The following PCMTD1 variants were observed in gnomAD, a reference collection of about 807,000 sequenced individuals.
PCMTD1 encodes protein-L-isoaspartate (D-aspartate) O-methyltransferase domain containing 1.
Under a neutral mutation model 37.6 loss-of-function variants are expected in PCMTD1, and 12 were observed. The ratio of observed to expected loss-of-function variants is 0.32; its 90% confidence interval spans 0.20 to 0.52. The LOEUF is 0.52. Ranked by LOEUF, PCMTD1 falls within the 20% of genes least tolerant of loss-of-function variation. PCMTD1 has a pLI of 0.97. For missense variants in PCMTD1, 235 were observed against 421.3 expected, an observed-to-expected ratio of 0.56 and a Z score of 3.87; for synonymous variants, 117 against 135.8, an observed-to-expected ratio of 0.86 and a Z score of 0.96.
At chr8:51,841,834 A>G (rs973810586) in intron 3 of PCMTD1, among the ~76,000 whole-genome samples, 1 of 152,238 alleles carries the variant, frequency 6.6e-6, no homozygotes, top group Non-Finnish European at 1.5e-5. Context: ...AGGAGTCAGC[A>G]AACTGTTTAC....
intron 1 of PCMTD1, among the ~76,000 whole-genome samples, chr8:51,874,814 A>G (rs980354943): frequency 1.3e-5 from 2 of 152,214 alleles, no homozygotes; most frequent in Non-Finnish European, 2.9e-5. Context: ...CATTCAATAA[A>G]CAAAAACTGA....
intron 1 of PCMTD1, among the ~76,000 whole-genome samples, chr8:51,877,417 G>A (rs10102568): frequency 0.14 from 21,102 of 152,198 alleles, 2,652 homozygotes; most frequent in African/African-American, 0.32. Flanking sequence ...AAATAAAGAA[G>A]AGGAACGGCT....
At chr8:51,887,910 T>A (rs2038887602) in intron 1 of PCMTD1, among the ~76,000 whole-genome samples, 1 of 151,912 alleles carries the variant, frequency 6.6e-6, no homozygotes, top group African/African-American at 2.4e-5. Context: ...ACTCAGCTAA[T>A]TTTTTTGTAT....
chr8:51,817,754 C>A lies in PCMTD1; in HGVS notation c.*2597G>T, dbSNP rs928922694. ...ACATTTTTCTTTATTAATACTAGAA[C>A]CAAATATATTGACCAATAAGCAGTA... is the stretch of plus-strand genomic sequence containing the variant. On this transcript the variant is annotated 3_prime_UTR_variant, in exon 6 of 6. Transcript: ENST00000522514. The A allele has an allele frequency of 1.2e-5, 5 of 425,844 alleles. No homozygotes were observed. The highest frequency in any genetic ancestry group is 2.7e-5 in the Admixed American group (1 of 37,112). The allele number at this position is 425,844 out of a possible 1,614,324, so 26.4% of individuals were successfully genotyped here. A position where few individuals can be genotyped will look rare whatever the true frequency, so the allele number is the denominator to read the frequency against.
intron 1 of PCMTD1, among the ~76,000 whole-genome samples, chr8:51,879,395 A>T (rs1275385989): frequency 6.6e-6 from 1 of 152,202 alleles, no homozygotes; most frequent in Non-Finnish European, 1.5e-5. Context: ...AAATCAACAA[A>T]GCTTTAAAGA....
intron 1 of PCMTD1, among the ~76,000 whole-genome samples, chr8:51,895,294 C>T (rs1349795136): frequency 6.6e-6 from 1 of 152,230 alleles, no homozygotes; most frequent in African/African-American, 2.4e-5. Context: ...TTCTACAGCT[C>T]TTTCAATGCT....
rs192664123 is a variant in PCMTD1, at chr8:51,840,992, C to T, written c.410+4669G>A. 2.0e-3 allele frequency among the ~76,000 whole-genome samples: 308 copies of T among 152,262 alleles called. 2 individuals are homozygous for T. Among genetic ancestry groups the T allele is most frequent in the African/African-American group, 6.9e-3 (288 of 41,572 alleles). ...AAAAGTACTCCTTCAACTTTCCTAT[C>T]TAGGAAACTTTCCTATACAAGTTGC... On this transcript the variant is annotated intron_variant, in intron 3 of 5. Transcript: ENST00000522514.
chr8:51,886,899 T>C (rs975915358), intron 1 of PCMTD1, among the ~76,000 whole-genome samples: 13 of 152,074 alleles, frequency 8.5e-5, no homozygotes, highest in Non-Finnish European at 1.5e-5. Context: ...GGGAGACTGT[T>C]CCTTTCTGAA....
rs562071955 is a variant in PCMTD1, at chr8:51,873,735, T to C, written c.-95-12489A>G. Among the ~76,000 whole-genome samples the C allele has an allele frequency of 1.8e-4, 28 of 152,208 alleles. No homozygotes were observed. The Middle Eastern group carries it at 0.014, about 74-fold the overall frequency. On this transcript the variant is annotated intron_variant, in intron 1 of 5. Transcript: ENST00000522514. The stretch of plus-strand genomic sequence containing the variant: ...CGCTCTCTGGCTCCTGCTTTGGCCA[T>C]GTAACCTGCTTCTTCCCGAGTCACC...
At chr8:51,872,283 T>C (rs2038650700) in intron 1 of PCMTD1, among the ~76,000 whole-genome samples, 1 of 152,144 alleles carries the variant, frequency 6.6e-6, no homozygotes, top group African/African-American at 2.4e-5. Context: ...CAACTGCCTA[T>C]TACCAACACC....
chr8:51,898,598 G>T (rs2039045636), intron 1 of PCMTD1, among the ~76,000 whole-genome samples: 1 of 152,136 alleles, frequency 6.6e-6, no homozygotes. Flanking sequence ...CCGAGGACGG[G>T]CCGAGGACGC....
intron 1 of PCMTD1, among the ~76,000 whole-genome samples, chr8:51,875,966 G>A (rs62499410): frequency 0.51 from 76,965 of 151,696 alleles, 23,572 homozygotes; most frequent in Non-Finnish European, 0.67. Flanking sequence ...GTGTGTCTGT[G>A]TGTGTGTGTG....
chr8:51,849,811 G>A (rs894184083), intron 2 of PCMTD1: 1 of 471,548 alleles, frequency 2.1e-6, no homozygotes, highest in East Asian at 3.4e-5. Flanking sequence ...AAGTGTCTAT[G>A]CAATACCAAT....
chr8:51,845,626 G>A, intron 3 of PCMTD1, 35 bp downstream of exon 3: 1 of 1,479,754 alleles, frequency 6.8e-7, no homozygotes, highest in African/African-American at 1.4e-5. Flanking sequence ...TCTATTAAGT[G>A]ATTTTAAACC....
At chr8:51,827,098 C>T in intron 5 of PCMTD1, 7 of 997,630 alleles carry the variant, frequency 7.0e-6, no homozygotes, top group Non-Finnish European at 8.4e-6. Flanking sequence ...TTTTAACTTA[C>T]TTCTACACAC....
chr8:51,838,430 G>A (rs770391179), intron 3 of PCMTD1, among the ~76,000 whole-genome samples: 69 of 151,898 alleles, frequency 4.5e-4, no homozygotes, highest in Admixed American at 7.9e-4. Flanking sequence ...TGTAAACTAC[G>A]GTGAGCTATG....
In PCMTD1 at chr8:51,818,506, T is replaced by A. The variant is rs1406585773; in HGVS notation, c.*1845A>T. 2.0e-5 allele frequency: 3 copies of A among 152,426 alleles called. No homozygotes were observed. The Middle Eastern group carries it at 0.01, about 522-fold the overall frequency. The allele number at this position is 152,426 out of a possible 1,614,324, so 9.4% of individuals were successfully genotyped here. On this transcript the variant is annotated 3_prime_UTR_variant, in exon 6 of 6. Transcript: ENST00000522514. ...GTGGTCACCAGGAATTCAAGGTAAC[T>A]AGGTACTTCAAAAGCCACATTTAAT...
intron 1 of PCMTD1, among the ~76,000 whole-genome samples, chr8:51,894,163 C>T (rs2038970726): frequency 6.7e-6 from 1 of 149,254 alleles, no homozygotes; most frequent in Non-Finnish European, 1.5e-5. Context: ...CTTCTAAAGG[C>T]AGAGATGGGA....
At chr8:51,858,921 C>A (rs1350441315) in intron 2 of PCMTD1, among the ~76,000 whole-genome samples, 1 of 152,174 alleles carries the variant, frequency 6.6e-6, no homozygotes, top group Non-Finnish European at 1.5e-5. Flanking sequence ...TTAAGACATT[C>A]ATGATACAAT....
Sources: gnomAD v4.1 joint callset for allele counts (sites outside exome capture counted in the v4.1 genomes callset) on GRCh38, gnomAD v4.1.1 for gene constraint, MANE v1.5 for transcripts, NCBI Gene and HGNC (gene_info 2026-07-23, HGNC 2026-07-21) for gene names.